The following ARSG variants were observed in gnomAD, a reference collection of about 807,000 sequenced individuals.
ARSG encodes the protein ASG.
A neutral mutation model predicts 50.5 loss-of-function variants in ARSG; 37 were observed. That is an observed-to-expected ratio of 0.73 (90% CI 0.56 to 0.96). ARSG has a LOEUF of 0.96. Ranked by LOEUF, ARSG falls within the 50% of genes least tolerant of loss-of-function variation. The probability of loss-of-function intolerance (pLI) is 0.00; values close to 1 mark genes in which losing one functional copy is unlikely to be tolerated. For missense variants in ARSG, 629 were observed against 675.3 expected (o/e 0.93, Z 0.76); for synonymous variants, 225 against 254.6 (o/e 0.88, Z 1.11).
At position 68,385,100 on chromosome 17, in the gene ARSG, G is replaced by A. The variant is rs771054044; in HGVS notation, c.1019G>A (p.Gly340Glu). 5.6e-6 allele frequency: 9 copies of A among 1,613,920 alleles called. No individual in the cohort carries two copies. Among genetic ancestry groups the A allele is most frequent in the African/African-American group, 1.3e-5 (1 of 74,886 alleles). The change falls in exon 9 of 12, where the codon GGG (glycine) becomes GAG (glutamate). Residue 340 changes from glycine (G) to glutamate (E), a missense_variant. By Grantham distance (98) the Gly-to-Glu change is moderately conservative. Transcript: ENST00000621439. ...GCCAAGCAGACGACCTGGGAAGGAGGGCACCGGGTCCCAGCACTGGCTTAC... is the reference window on the plus strand; with the variant it reads ...GCCAAGCAGACGACCTGGGAAGGAGAGCACCGGGTCCCAGCACTGGCTTAC... Reference protein sequence around the residue: ...SPAKQTTWEGGHRVPALAYWP... With the variant: ...SPAKQTTWEGEHRVPALAYWP...
At chr17:68,343,490 G>C in intron 2 of ARSG, 114 bp from the exon 3 acceptor site, 1 of 1,071,104 alleles carries the variant, frequency 9.3e-7, no homozygotes, top group Non-Finnish European at 1.3e-6. Flanking sequence ...TCCATGACTG[G>C]GTGATCTTTG....
intron 10 of ARSG, among the ~76,000 whole-genome samples, chr17:68,396,924 G>A (rs2081273341): frequency 6.6e-6 from 1 of 152,172 alleles, no homozygotes; most frequent in Non-Finnish European, 1.5e-5. Flanking sequence ...TTGGAAGTTA[G>A]CAGTATGTGA....
At chr17:68,361,978 T>A (rs2079311506) in intron 6 of ARSG, among the ~76,000 whole-genome samples, 1 of 151,858 alleles carries the variant, frequency 6.6e-6, no homozygotes, top group Non-Finnish European at 1.5e-5. Context: ...AAAAACAGAA[T>A]TGGGAGAAGT....
downstream of ARSG, chr17:68,427,049 AAGGGGGAAGGGGAGGGAGCGTGC>A: frequency 8.9e-7 from 1 of 1,124,516 alleles, no homozygotes. Context: ...GGTAACAGTG[AAGGGGGAAGGGGAGGGAGCGTGC>A]AGGGAGAAGG....
At chr17:68,358,029 TCTGTCGCTA>T (rs1227080680) in intron 6 of ARSG, among the ~76,000 whole-genome samples, 2 of 151,368 alleles carry the variant, frequency 1.3e-5, no homozygotes, top group African/African-American at 4.9e-5. Context: ...ATGGTGAAAC[TCTGTCGCTA>T]CAAGCAATAC....
upstream of ARSG, among the ~76,000 whole-genome samples, chr17:68,290,126 A>G (rs1472261451): frequency 6.6e-6 from 1 of 152,226 alleles, no homozygotes; most frequent in African/African-American, 2.4e-5. Context: ...TTCCCGGGGT[A>G]GAAACCATCT....
chr17:68,343,251 G>A (rs1377401376), intron 2 of ARSG, among the ~76,000 whole-genome samples: 3 of 152,138 alleles, frequency 2.0e-5, no homozygotes, highest in Non-Finnish European at 4.4e-5. Flanking sequence ...CCGCCTCCCA[G>A]GTTCAAGCAA....
At chr17:68,358,035 G>A (rs747672115) in intron 6 of ARSG, among the ~76,000 whole-genome samples, 5 of 151,676 alleles carry the variant, frequency 3.3e-5, no homozygotes, top group South Asian at 2.1e-4. Flanking sequence ...AAACTCTGTC[G>A]CTACAAGCAA....
the ARSG span, chr17:68,450,682 TCCCG>T: frequency 6.4e-7 from 1 of 1,555,912 alleles, no homozygotes; most frequent in Non-Finnish European, 8.7e-7. Flanking sequence ...TTTGTTTGGC[TCCCG>T]TTAGCAGAAG....
rs1156544210 is a variant in ARSG at position 68,343,601 on chromosome 17, C to A, written c.219-3C>A. On this transcript the variant is annotated splice_region_variant and splice_polypyrimidine_tract_variant and intron_variant, in intron 2 of 11. Coordinates refer to ENST00000621439, the MANE Select transcript of ARSG (RefSeq NM_001267727.2). ...GGTCCTGACCACTGTCCTTTCCCTG[C>A]AGGTTTGTGGATTTCCATGCAGCTG... 6 of 1,603,610 alleles carry A rather than the reference C, an allele frequency of 3.7e-6. No individual in the cohort carries two copies. The highest frequency in any genetic ancestry group is 2.7e-5 in the African/African-American group (2 of 74,790).
chr17:68,317,598 C>A (rs963808477), intron 2 of ARSG, among the ~76,000 whole-genome samples: 5 of 152,156 alleles, frequency 3.3e-5, no homozygotes, highest in Middle Eastern at 3.4e-3. Flanking sequence ...GCCCCAAGTC[C>A]CCTCGCACAT....
chr17:68,289,475 C>G (rs1294470579), upstream of ARSG, among the ~76,000 whole-genome samples: 1 of 152,168 alleles, frequency 6.6e-6, no homozygotes, highest in African/African-American at 2.4e-5. Context: ...AACGCAGGCT[C>G]TGGATGGAAA....
the ARSG span, among the ~76,000 whole-genome samples, chr17:68,442,942 A>G: frequency 6.6e-6 from 1 of 152,176 alleles, no homozygotes; most frequent in East Asian, 1.9e-4. Context: ...TCTGCAATAG[A>G]TACTTGTCCA....
chr17:68,325,763 G>T (rs1315784858), intron 2 of ARSG, among the ~76,000 whole-genome samples: 1 of 152,184 alleles, frequency 6.6e-6, no homozygotes, highest in Non-Finnish European at 1.5e-5. Context: ...TACCCTTCTG[G>T]GGTTGCCTGC....
At chr17:68,447,094 G>C in the ARSG span, among the ~76,000 whole-genome samples, 1 of 152,084 alleles carries the variant, frequency 6.6e-6, no homozygotes, top group South Asian at 2.1e-4. Context: ...ACTTTTCTAG[G>C]TTTTATAAGC....
chr17:68,376,215 T>A (rs1369977713), intron 8 of ARSG, among the ~76,000 whole-genome samples: 1 of 149,990 alleles, frequency 6.7e-6, no homozygotes, highest in African/African-American at 2.5e-5. Context: ...GCTCAAGGGA[T>A]TCCCCCCACC....
At chr17:68,368,984 G>A (rs2079689421) in intron 7 of ARSG, among the ~76,000 whole-genome samples, 1 of 152,270 alleles carries the variant, frequency 6.6e-6, no homozygotes, top group South Asian at 2.1e-4. Context: ...GGCCCGTTGT[G>A]TGTCGATTCA....
chr17:68,339,501 CAT>C (rs537755261), intron 2 of ARSG, among the ~76,000 whole-genome samples: 8 of 152,196 alleles, frequency 5.3e-5, no homozygotes, highest in Non-Finnish European at 2.9e-5. Context: ...TCAAGGATCA[CAT>C]GTTACATTTG....
intron 8 of ARSG, among the ~76,000 whole-genome samples, chr17:68,372,026 C>T (rs530224666): frequency 2.0e-5 from 3 of 152,186 alleles, no homozygotes; most frequent in South Asian, 2.1e-4. Context: ...GGGTGAATTT[C>T]CCCCCACAAT....
Sources: allele counts gnomAD v4.1 joint callset (sites outside exome capture counted in the v4.1 genomes callset), GRCh38; gene constraint gnomAD v4.1.1; transcripts MANE v1.5; gene names NCBI Gene and HGNC (gene_info 2026-07-23, HGNC 2026-07-21).